Variants in MKLN1 observed in about 807,000 individuals in gnomAD.
MKLN1 encodes muskelin 1.
A neutral mutation model predicts 99.0 loss-of-function variants in MKLN1; 18 were observed. The ratio of observed to expected loss-of-function variants is 0.18; its 90% CI spans 0.13 to 0.27. The LOEUF is 0.27. Among genes scored for constraint, MKLN1 ranks in the 10% least tolerant of loss-of-function variants. The pLI, the probability that MKLN1 is intolerant of heterozygous loss-of-function variation, is 1.00. For missense variants in MKLN1, 621 were observed against 875.9 expected, an observed-to-expected ratio of 0.71 and a Z score of 3.67; for synonymous variants, 288 against 293.2, an observed-to-expected ratio of 0.98 and a Z score of 0.18.
intron 3 of MKLN1, among the ~76,000 whole-genome samples, chr7:131,274,006 G>A (rs1797924856): frequency 6.6e-6 from 1 of 152,064 alleles, no homozygotes; most frequent in African/African-American, 2.4e-5. Context: ...TTCACTCCAT[G>A]TACCACCCAA....
In MKLN1 at chr7:131,260,583, T is replaced by C. The variant is rs1425691136; in HGVS notation, c.-179+57609T>C. On this transcript the variant is annotated intron_variant, in intron 3 of 7. Coordinates refer to the MKLN1 transcript ENST00000416992. ...AGAGTCCATGCTATTCCTATCATTC[T>C]TCACAGAATTAGAAAAAGCTTTTAA... Among the ~76,000 whole-genome samples, 5 of 152,214 alleles carry C rather than the reference T, an allele frequency of 3.3e-5. No individual in the cohort carries two copies. The South Asian group carries it at 1.0e-3, about 32-fold the overall frequency.
At chr7:131,208,808 T>G (rs1187594061) in intron 3 of MKLN1, among the ~76,000 whole-genome samples, 1 of 152,042 alleles carries the variant, frequency 6.6e-6, no homozygotes, top group Non-Finnish European at 1.5e-5. Flanking sequence ...TATATTCTAG[T>G]GTAGGGGAGT....
intron 9 of MKLN1, among the ~76,000 whole-genome samples, chr7:131,436,342 G>T (rs1349074893): frequency 6.6e-6 from 1 of 152,016 alleles, no homozygotes; most frequent in Non-Finnish European, 1.5e-5. Context: ...ATCATAAATT[G>T]TCTCCTCTGT....
At chr7:131,371,447 G>T (rs1459355688) in intron 1 of MKLN1, among the ~76,000 whole-genome samples, 1 of 152,006 alleles carries the variant, frequency 6.6e-6, no homozygotes, top group Non-Finnish European at 1.5e-5. Context: ...ACTTAATGTT[G>T]CGGATTTAAA....
At chr7:131,114,663 TGG>T (rs1247583501) in intron 1 of MKLN1, among the ~76,000 whole-genome samples, 2 of 152,136 alleles carry the variant, frequency 1.3e-5, no homozygotes, top group Non-Finnish European at 2.9e-5. Flanking sequence ...AAGAGGATTG[TGG>T]CCAGCTGCAG....
At chr7:131,239,150 T>G (rs2116490265) in intron 3 of MKLN1, among the ~76,000 whole-genome samples, 1 of 152,294 alleles carries the variant, frequency 6.6e-6, no homozygotes, top group Admixed American at 6.5e-5. Flanking sequence ...GTACTCCATT[T>G]ATTTATTTTT....
intron 3 of MKLN1, among the ~76,000 whole-genome samples, chr7:131,235,216 A>G (rs1419449260): frequency 1.3e-5 from 2 of 150,084 alleles, no homozygotes; most frequent in African/African-American, 2.5e-5. Flanking sequence ...CTATCTCTCT[A>G]TCTCTTTCTC....
At position 131,472,590 on chromosome 7, in the gene MKLN1, GTGTA is replaced by G. The variant is rs961477989; in HGVS notation, c.2031+1650_2031+1653del. On this transcript the variant is annotated intron_variant, in intron 16 of 17. Transcript: ENST00000352689. Reference sequence around the variant, plus strand: ...AGAAGTTAGAAAGAAATGTTGAAGTGTGTATGTGTGTGTGTGTGTGTGTGTGTGT... The same window carrying G: ...AGAAGTTAGAAAGAAATGTTGAAGTGTGTGTGTGTGTGTGTGTGTGTGTGT... 6.1e-4 allele frequency among the ~76,000 whole-genome samples: 26 copies of G among 42,284 alleles called. No homozygotes were observed. The East Asian group carries it at 8.1e-3, about 13-fold the overall frequency. 27.7% of individuals were successfully genotyped at this position (42,284 alleles called of 152,430 possible). A position where few individuals can be genotyped will look rare whatever the true frequency, so the allele number is the denominator to read the frequency against.
At chr7:131,354,394 T>C (rs1352155258) in intron 1 of MKLN1, among the ~76,000 whole-genome samples, 1 of 152,046 alleles carries the variant, frequency 6.6e-6, no homozygotes, top group Non-Finnish European at 1.5e-5. Context: ...AACTGTAAAT[T>C]GTTTTGTGCT....
chr7:131,294,970 G>A (rs1005422911), intron 3 of MKLN1, among the ~76,000 whole-genome samples: 3 of 152,078 alleles, frequency 2.0e-5, no homozygotes, highest in African/African-American at 4.8e-5. Flanking sequence ...GGAGGATGGG[G>A]TCCTTGTGCC....
At position 131,496,091 on chromosome 7, in the gene MKLN1, A is replaced by G. The variant is rs111782319; in HGVS notation, c.*8363A>G. ...CAAAAAAAATTGTATTTCTGTGCAC[A>G]TTAGCTGAGATTCACACATTTTGCA... On this transcript the variant is annotated 3_prime_UTR_variant, in exon 18 of 18. Coordinates refer to ENST00000352689, the MANE Select transcript of MKLN1 (RefSeq NM_013255.5). 6.6e-6 allele frequency: 1 copy of G among 152,270 alleles called. No individual in the cohort carries two copies. Among genetic ancestry groups the G allele is most frequent in the African/African-American group, 2.4e-5 (1 of 41,506 alleles). 9.4% of individuals were successfully genotyped at this position (152,270 alleles called of 1,614,324 possible). A position where few individuals can be genotyped will look rare whatever the true frequency, so the allele number is the denominator to read the frequency against.
At chr7:131,462,448 C>G (rs1796543655) in intron 12 of MKLN1, among the ~76,000 whole-genome samples, 2 of 152,182 alleles carry the variant, frequency 1.3e-5, no homozygotes, top group Admixed American at 6.5e-5. Flanking sequence ...TTTCCCAGGT[C>G]AAGATTTGAA....
intron 3 of MKLN1, among the ~76,000 whole-genome samples, chr7:131,218,724 G>A (rs917915712): frequency 2.0e-5 from 3 of 152,142 alleles, no homozygotes; most frequent in African/African-American, 4.8e-5. Context: ...ACATGATGCC[G>A]AGTGAAATAA....
Position 131,466,392 on chromosome 7 carries a change from C to G in MKLN1, c.1905C>G (p.Cys635Trp). The change falls in exon 15 of 18, where the codon TGC (cysteine) becomes TGG (tryptophan). Residue 635 changes from cysteine (C) to tryptophan (W), a missense_variant. Cys to Trp is a radical substitution (Grantham distance 215). This residue lies in a region of MKLN1 where 126 missense variants were observed against 157.4 expected (regional missense o/e 0.80). Transcript: ENST00000352689. Reference sequence around the variant, plus strand: ...CAAAAGATTATTTACTGAGGCATTGCAAGTACCTCATAAGAAAACACAGGT... The same window carrying G: ...CAAAAGATTATTTACTGAGGCATTGGAAGTACCTCATAAGAAAACACAGGT... ...RPSKDYLLRH[C>W]KYLIRKHRFE... The G allele has an allele frequency of 6.3e-7, 1 of 1,591,178 alleles. No individual in the cohort carries two copies. Among genetic ancestry groups the G allele is most frequent in the Non-Finnish European group, 8.6e-7 (1 of 1,165,044 alleles).
At chr7:131,179,599 A>G (rs1239779504) in intron 2 of MKLN1, among the ~76,000 whole-genome samples, 1 of 151,820 alleles carries the variant, frequency 6.6e-6, no homozygotes, top group Non-Finnish European at 1.5e-5. Context: ...GTTTTGAGAT[A>G]GGGTCTTGCT....
chr7:131,279,862 A>G (rs1417168418), intron 3 of MKLN1, among the ~76,000 whole-genome samples: 2 of 152,144 alleles, frequency 1.3e-5, no homozygotes, highest in Admixed American at 1.3e-4. Flanking sequence ...TTACTGTATT[A>G]ATACTATTGT....
chr7:131,195,225 A>G (rs913795661), intron 2 of MKLN1, among the ~76,000 whole-genome samples: 4 of 152,152 alleles, frequency 2.6e-5, no homozygotes, highest in African/African-American at 7.2e-5. Context: ...ATATGTGGAC[A>G]GTGGGCCGGG....
At chr7:131,154,635 TTATGA>T (rs754540824) in intron 2 of MKLN1, among the ~76,000 whole-genome samples, 4 of 152,190 alleles carry the variant, frequency 2.6e-5, no homozygotes, top group Admixed American at 6.5e-5. Flanking sequence ...GTTATCTATA[TTATGA>T]TATGATATAT....
At chr7:131,187,313 C>T (rs1796466387) in intron 2 of MKLN1, among the ~76,000 whole-genome samples, 1 of 113,240 alleles carries the variant, frequency 8.8e-6, no homozygotes, top group Non-Finnish European at 1.8e-5. Context: ...AGTAAATTCA[C>T]TTCATTTGTC....
Sources: gnomAD v4.1 joint callset for allele counts (sites outside exome capture counted in the v4.1 genomes callset) on GRCh38, gnomAD v4.1.1 for gene constraint, gnomAD v4.1.1 regional missense constraint, MANE v1.5 for transcripts, NCBI Gene and HGNC (gene_info 2026-07-23, HGNC 2026-07-21) for gene names.